The following CCSER1 variants were observed in gnomAD, a reference collection of about 807,000 sequenced individuals.
The protein encoded by CCSER1 is serine-rich coiled-coil domain-containing protein 1.
Under a neutral mutation model 82.0 loss-of-function variants are expected in CCSER1, and 41 were observed. The ratio of observed to expected loss-of-function variants is 0.50; its 90% CI spans 0.39 to 0.65. CCSER1 has a LOEUF of 0.65. CCSER1 is among the 30% of genes least tolerant of loss of function. CCSER1 has a pLI of 0.00. For synonymous variants in CCSER1, 414 were observed against 383.9 expected (o/e 1.08, Z -0.92); for missense variants, 1,119 against 1,064.2 (o/e 1.05, Z -0.72).
chr4:90,527,036 G>T (rs1395058826), intron 5 of CCSER1, among the ~76,000 whole-genome samples: 1 of 152,102 alleles, frequency 6.6e-6, no homozygotes, highest in African/African-American at 2.4e-5. Context: ...AGCATCTATT[G>T]TTTCCTGACT....
At chr4:91,304,681 A>G (rs1560578135) in intron 10 of CCSER1, among the ~76,000 whole-genome samples, 3 of 152,086 alleles carry the variant, frequency 2.0e-5, no homozygotes, top group African/African-American at 2.4e-5. Context: ...AATTAGTAGC[A>G]TATATTGTTT....
At chr4:90,156,859 T>C (rs1415102634) in intron 1 of CCSER1, among the ~76,000 whole-genome samples, 2 of 152,214 alleles carry the variant, frequency 1.3e-5, no homozygotes, top group Admixed American at 6.5e-5. Flanking sequence ...AATTGGAACA[T>C]TTAGTCCAGT....
In CCSER1 at chr4:90,184,413, A is replaced by C. The variant is rs144850516; in HGVS notation, c.-42+56582A>C. On this transcript the variant is annotated intron_variant, in intron 1 of 10. Transcript: ENST00000509176. ...GGCTGAAGATCTGACTGACTTCTTAAAATTTTTCTTTAGAGAGTTGTACCT... is the reference window on the plus strand; with the variant it reads ...GGCTGAAGATCTGACTGACTTCTTACAATTTTTCTTTAGAGAGTTGTACCT... Among the ~76,000 whole-genome samples the C allele has an allele frequency of 4.6e-5, 7 of 152,210 alleles. No homozygotes were observed. In the East Asian group the frequency reaches 9.7e-4, roughly 21 times the overall value.
intron 1 of CCSER1, among the ~76,000 whole-genome samples, chr4:90,186,400 C>T (rs572505781): frequency 2.0e-4 from 31 of 152,022 alleles, no homozygotes; most frequent in African/African-American, 6.5e-4. Flanking sequence ...CTTTTTGAAC[C>T]CTGCTCTTAG....
intron 9 of CCSER1, among the ~76,000 whole-genome samples, chr4:90,945,003 A>T (rs1304936395): frequency 1.3e-5 from 2 of 152,152 alleles, no homozygotes; most frequent in African/African-American, 2.4e-5. Flanking sequence ...TCGAGACCAC[A>T]GTTATTTTGG....
At chr4:90,294,837 A>C (rs549654184) in intron 1 of CCSER1, among the ~76,000 whole-genome samples, 2 of 152,148 alleles carry the variant, frequency 1.3e-5, no homozygotes, top group South Asian at 4.1e-4. Context: ...TTTGAAGTAC[A>C]TCCTTCAAGA....
At chr4:90,344,053 C>A (rs916808845) in intron 3 of CCSER1, among the ~76,000 whole-genome samples, 2 of 152,136 alleles carry the variant, frequency 1.3e-5, no homozygotes, top group Non-Finnish European at 2.9e-5. Context: ...ACCTCCCCAG[C>A]CTCTGGTAAC....
intron 10 of CCSER1, among the ~76,000 whole-genome samples, chr4:91,520,139 G>A (rs1489538870): frequency 2.0e-5 from 3 of 151,914 alleles, no homozygotes; most frequent in African/African-American, 7.3e-5. Context: ...ATTGTCTGGT[G>A]CACTGTACTA....
intron 10 of CCSER1, among the ~76,000 whole-genome samples, chr4:91,245,696 T>C (rs1739716684): frequency 6.6e-6 from 1 of 152,044 alleles, no homozygotes; most frequent in Admixed American, 6.6e-5. Context: ...TATATATATA[T>C]ATTTTGTTTG....
chr4:90,842,317 A>G (rs1249332539), intron 8 of CCSER1, among the ~76,000 whole-genome samples: 1 of 152,196 alleles, frequency 6.6e-6, no homozygotes, highest in African/African-American at 2.4e-5. Flanking sequence ...TGGTTTTTGT[A>G]TGCTCAAATT....
intron 1 of CCSER1, among the ~76,000 whole-genome samples, chr4:90,243,059 TCTC>T (rs887934373): frequency 8.5e-5 from 12 of 141,454 alleles, no homozygotes; most frequent in Admixed American, 4.2e-4. Flanking sequence ...TTTCTCTCTC[TCTC>T]TTTTTTTTTT....
intron 10 of CCSER1, among the ~76,000 whole-genome samples, chr4:91,468,699 A>T (rs190931647): frequency 6.6e-6 from 1 of 152,002 alleles, no homozygotes; most frequent in Non-Finnish European, 1.5e-5. Flanking sequence ...ATTAATCATA[A>T]AAATTATTAA....
intron 9 of CCSER1, among the ~76,000 whole-genome samples, chr4:90,965,918 A>G (rs1734518987): frequency 6.6e-6 from 1 of 152,152 alleles, no homozygotes; most frequent in East Asian, 1.9e-4. Context: ...GAGATAGGAA[A>G]TATTTTTAAG....
chr4:90,314,712 GC>G (rs1735862195), intron 3 of CCSER1, among the ~76,000 whole-genome samples: 1 of 151,578 alleles, frequency 6.6e-6, no homozygotes, highest in African/African-American at 2.4e-5. Context: ...TTGCACCACT[GC>G]ACTTCGGCCT....
intron 7 of CCSER1, among the ~76,000 whole-genome samples, chr4:90,773,562 A>G (rs747380180): frequency 6.6e-6 from 1 of 152,166 alleles, no homozygotes; most frequent in Non-Finnish European, 1.5e-5. Flanking sequence ...ACCTTCAAAT[A>G]CCTTCCCACC....
At chr4:91,244,028 G>A (rs914977484) in intron 10 of CCSER1, among the ~76,000 whole-genome samples, 2 of 152,162 alleles carry the variant, frequency 1.3e-5, no homozygotes, top group South Asian at 4.1e-4. Context: ...CTACAGGAGA[G>A]TCCACTGCCC....
rs372108519 is a variant in CCSER1, at chr4:91,134,885, C to T, written c.2217+48891C>T. The stretch of plus-strand genomic sequence containing the variant: ...GACCATCCTGGCCAACATGGTGAAA[C>T]CCCATCTCTACTAAAAATACAAAAA... On this transcript the variant is annotated intron_variant, in intron 10 of 10. Coordinates refer to ENST00000509176, the MANE Select transcript of CCSER1 (RefSeq NM_001145065.2). Among the ~76,000 whole-genome samples, 174 of 152,106 alleles carry T rather than the reference C, an allele frequency of 1.1e-3. 2 individuals carry two copies. Among genetic ancestry groups the T allele is most frequent in the African/African-American group, 3.9e-3 (163 of 41,506 alleles).
At chr4:90,155,127 A>G (rs1179766711) in intron 1 of CCSER1, among the ~76,000 whole-genome samples, 16 of 152,310 alleles carry the variant, frequency 1.1e-4, no homozygotes, top group Admixed American at 8.5e-4. Flanking sequence ...TTCCGCATCT[A>G]TTGAGATAAT....
chr4:90,171,117 T>C (rs796919479), intron 1 of CCSER1, among the ~76,000 whole-genome samples: 8 of 151,502 alleles, frequency 5.3e-5, no homozygotes, highest in African/African-American at 1.9e-4. Flanking sequence ...CATAAATATA[T>C]ACACTTAATA....
Sources: allele counts gnomAD v4.1 joint callset (sites outside exome capture counted in the v4.1 genomes callset), GRCh38; gene constraint gnomAD v4.1.1; transcripts MANE v1.5; gene names NCBI Gene and HGNC (gene_info 2026-07-23, HGNC 2026-07-21).